SGCZ: variants seen among roughly 807,000 people sequenced by gnomAD.
The protein encoded by SGCZ is zeta-sarcoglycan.
A neutral mutation model predicts 41.3 loss-of-function variants in SGCZ; 40 were observed. That is an observed-to-expected ratio of 0.97 (90% CI 0.75 to 1.26). The LOEUF (loss-of-function observed/expected upper bound fraction) is 1.26, where lower values mean the gene tolerates loss of function less well. Among genes scored for constraint, SGCZ ranks in the 50% most tolerant of loss-of-function variants. SGCZ has a pLI of 0.00. For missense variants in SGCZ, 552 were observed against 369.8 expected (o/e 1.49, Z -4.04); for synonymous variants, 206 against 137.5 (o/e 1.50, Z -3.49).
chr8:14,932,033 T>A (rs1161281637), intron 1 of SGCZ, among the ~76,000 whole-genome samples: 1 of 151,956 alleles, frequency 6.6e-6, no homozygotes, highest in East Asian at 1.9e-4. Flanking sequence ...ATAAAGTATG[T>A]CCATTTTTTC....
At chr8:14,638,043 G>C (rs1806891906) in intron 1 of SGCZ, among the ~76,000 whole-genome samples, 1 of 151,794 alleles carries the variant, frequency 6.6e-6, no homozygotes, top group African/African-American at 2.4e-5. Flanking sequence ...ATTGTAGTTT[G>C]ATTTGTATTT....
At chr8:14,440,867 A>G (rs1289025643) in intron 2 of SGCZ, among the ~76,000 whole-genome samples, 1 of 151,390 alleles carries the variant, frequency 6.6e-6, no homozygotes, top group African/African-American at 2.4e-5. Flanking sequence ...ACACACACAC[A>G]CACACGCACA....
intron 3 of SGCZ, among the ~76,000 whole-genome samples, chr8:14,285,880 CT>C (rs1800605035): frequency 6.6e-6 from 1 of 152,060 alleles, no homozygotes; most frequent in Non-Finnish European, 1.5e-5. Context: ...CCTACCATTG[CT>C]GACAATTTTA....
chr8:14,486,592 G>A (rs1162711834), intron 2 of SGCZ, among the ~76,000 whole-genome samples: 6 of 152,164 alleles, frequency 3.9e-5, no homozygotes, highest in African/African-American at 7.2e-5. Context: ...GCGCGCGTGC[G>A]CACGTGTGTC....
chr8:15,112,366 T>C (rs1274148560), intron 1 of SGCZ, among the ~76,000 whole-genome samples: 1 of 152,248 alleles, frequency 6.6e-6, no homozygotes, highest in East Asian at 1.9e-4. Flanking sequence ...TGCTAGTAGC[T>C]TGCTTTATTC....
intron 2 of SGCZ, among the ~76,000 whole-genome samples, chr8:14,358,498 A>C (rs189928608): frequency 6.6e-6 from 1 of 152,214 alleles, no homozygotes; most frequent in Non-Finnish European, 1.5e-5. Context: ...AAAATATGTT[A>C]TATGTCAAGG....
At chr8:14,789,456 A>G (rs1290721581) in intron 1 of SGCZ, among the ~76,000 whole-genome samples, 2 of 152,216 alleles carry the variant, frequency 1.3e-5, no homozygotes, top group Non-Finnish European at 2.9e-5. Flanking sequence ...GCAAATTCAC[A>G]ACCACAAGAA....
At chr8:14,436,586 T>G (rs1410749797) in intron 2 of SGCZ, among the ~76,000 whole-genome samples, 1 of 152,192 alleles carries the variant, frequency 6.6e-6, no homozygotes. Context: ...ATGCTGGCAG[T>G]ACCAAAGGCA....
chr8:14,624,293 TA>T (rs1563161145), intron 1 of SGCZ, among the ~76,000 whole-genome samples: 2 of 152,004 alleles, frequency 1.3e-5, no homozygotes, highest in Non-Finnish European at 2.9e-5. Flanking sequence ...ACAATGTTTA[TA>T]ATGCCAAGAA....
chr8:14,253,765 A>C (rs1279206556), intron 3 of SGCZ, among the ~76,000 whole-genome samples: 1 of 152,150 alleles, frequency 6.6e-6, no homozygotes, highest in Non-Finnish European at 1.5e-5. Flanking sequence ...CGAGCTATCT[A>C]TATTAAAACA....
chr8:14,559,992 G>T (rs1804159274), intron 1 of SGCZ, among the ~76,000 whole-genome samples: 1 of 152,042 alleles, frequency 6.6e-6, no homozygotes, highest in Non-Finnish European at 1.5e-5. Flanking sequence ...AATTGACTTT[G>T]CCTGAGGAAT....
chr8:14,342,186 G>T lies in SGCZ; in HGVS notation c.235-17982C>A, dbSNP rs372641931. Among the ~76,000 whole-genome samples, 10 of 152,206 alleles carry T rather than the reference G, an allele frequency of 6.6e-5. 1 individual carries two copies. The highest frequency in any genetic ancestry group is 1.9e-4 in the East Asian group (1 of 5,194). ...GGTCTCAGATGGAGATAAGGAACTT[G>T]TTGGGAACTGGAGCAAAGCTGACTC... On this transcript the variant is annotated intron_variant, in intron 2 of 7. Coordinates refer to ENST00000382080, the MANE Select transcript of SGCZ (RefSeq NM_139167.4).
intron 1 of SGCZ, among the ~76,000 whole-genome samples, chr8:14,564,616 C>T (rs1804304334): frequency 2.6e-5 from 4 of 152,096 alleles, no homozygotes; most frequent in Admixed American, 2.6e-4. Context: ...ATCGTCTACC[C>T]CTTAGCTAGT....
chr8:14,856,352 A>G (rs1170713201), intron 1 of SGCZ, among the ~76,000 whole-genome samples: 1 of 152,138 alleles, frequency 6.6e-6, no homozygotes, highest in Non-Finnish European at 1.5e-5. Context: ...ATCAACCTCT[A>G]AAGGTTAGGG....
chr8:14,975,985 T>C (rs980076982), intron 1 of SGCZ, among the ~76,000 whole-genome samples: 5 of 114,064 alleles, frequency 4.4e-5, no homozygotes, highest in African/African-American at 5.8e-5. Flanking sequence ...TGTGTATGTG[T>C]GTATATATAT....
In SGCZ at chr8:15,060,492, G is replaced by A. The variant is rs554413406; in HGVS notation, c.39+177093C>T. ...AATGAGAACACTTGGACATAGGAAG[G>A]GGAACATGACACACCGGGGCCTGTT... On this transcript the variant is annotated intron_variant, in intron 1 of 7. Coordinates refer to ENST00000382080, the MANE Select transcript of SGCZ (RefSeq NM_139167.4). Among the ~76,000 whole-genome samples, 8 of 134,826 alleles carry A rather than the reference G, an allele frequency of 5.9e-5. No homozygotes were observed. In the East Asian group the frequency reaches 1.5e-3, roughly 26 times the overall value. 88.5% of individuals were successfully genotyped at this position (134,826 alleles called of 152,430 possible).
In SGCZ at chr8:15,237,657, G is replaced by A. The variant is rs1479991038; in HGVS notation, c.-34C>T. ...ACTAAACGAAGTGGAGAGGAACCGG[G>A]CGAGTGGCACCCAAAAACAATCTAG... On this transcript the variant is annotated 5_prime_UTR_variant, in exon 1 of 8. Transcript: ENST00000382080. 4 of 1,569,374 alleles carry A rather than the reference G, an allele frequency of 2.5e-6. No homozygotes were observed. The highest frequency in any genetic ancestry group is 3.5e-6 in the Non-Finnish European group (4 of 1,155,250).
At chr8:15,140,773 C>A (rs1220315382) in intron 1 of SGCZ, among the ~76,000 whole-genome samples, 1 of 152,162 alleles carries the variant, frequency 6.6e-6, no homozygotes, top group Non-Finnish European at 1.5e-5. Context: ...CAAGACAGCT[C>A]AGTTATCCTG....
intron 1 of SGCZ, chr8:14,853,521 G>C (rs1339461322): frequency 3.8e-6 from 2 of 530,188 alleles, no homozygotes; most frequent in Admixed American, 3.9e-5. Context: ...CAGGTGACGG[G>C]GAGATTCTGA....
Sources: gnomAD v4.1 joint callset for allele counts (sites outside exome capture counted in the v4.1 genomes callset) on GRCh38, gnomAD v4.1.1 for gene constraint, MANE v1.5 for transcripts, NCBI Gene and HGNC (gene_info 2026-07-23, HGNC 2026-07-21) for gene names.